BCR: variants seen among roughly 807,000 people sequenced by gnomAD.
The protein encoded by BCR is breakpoint cluster region protein.
BCR carries 58 observed loss-of-function variants against 138.6 expected under a neutral mutation model. The ratio of observed to expected loss-of-function variants is 0.42; its 90% CI spans 0.34 to 0.52. The LOEUF (loss-of-function observed/expected upper bound fraction) is 0.52, where lower values mean the gene tolerates loss of function less well. BCR is among the 20% of genes least tolerant of loss of function. The probability of loss-of-function intolerance (pLI) is 0.06; values close to 1 mark genes in which losing one functional copy is unlikely to be tolerated. For missense variants in BCR, 1,599 were observed against 1,727.2 expected, an observed-to-expected ratio of 0.93 and a Z score of 1.32; for synonymous variants, 786 against 730.1, an observed-to-expected ratio of 1.08 and a Z score of -1.23.
intron 1 of BCR, among the ~76,000 whole-genome samples, chr22:23,240,447 C>A (rs1036212754): frequency 6.6e-6 from 1 of 150,936 alleles, no homozygotes; most frequent in East Asian, 2.0e-4. Context: ...GTCAGGAGAT[C>A]GAGACCATCC....
intron 1 of BCR, chr22:23,199,452 C>T (rs939569869): frequency 3.5e-5 from 14 of 394,590 alleles, no homozygotes; most frequent in African/African-American, 1.7e-4. Flanking sequence ...GATGGGCTGG[C>T]GGGCTGGGAG....
At chr22:23,266,891 G>A (rs2073449266) in intron 4 of BCR, among the ~76,000 whole-genome samples, 1 of 152,210 alleles carries the variant, frequency 6.6e-6, no homozygotes, top group South Asian at 2.1e-4. Flanking sequence ...GTGAGCTCCT[G>A]GAGCAGGAGG....
At chr22:23,302,344 CCTGCCCTTGGGGCCTGCCAGGGACCT>C (rs1460787134) in intron 16 of BCR, 1 of 152,462 alleles carries the variant, frequency 6.6e-6, no homozygotes, top group African/African-American at 2.4e-5. Context: ...ATCCCAGACC[CCTGCCCTTGGGGCCTGCCAGGGACCT>C]CTGCCCTCAT....
intron 16 of BCR, among the ~76,000 whole-genome samples, chr22:23,297,319 G>A (rs1326201869): frequency 6.7e-6 from 1 of 150,244 alleles, no homozygotes; most frequent in African/African-American, 2.5e-5. Flanking sequence ...GGGTTCAAGC[G>A]ATTCTCCTGC....
intron 1 of BCR, among the ~76,000 whole-genome samples, chr22:23,224,280 G>A (rs1261878716): frequency 6.6e-6 from 1 of 152,162 alleles, no homozygotes; most frequent in Non-Finnish European, 1.5e-5. Flanking sequence ...AGTTCTTTAT[G>A]GACTGTAGGG....
chr22:23,198,746 A>G (rs757358488), intron 1 of BCR, among the ~76,000 whole-genome samples: 9 of 152,104 alleles, frequency 5.9e-5, no homozygotes, highest in Non-Finnish European at 1.2e-4. Context: ...CGTGATACCC[A>G]AGGGAGGCAT....
intron 9 of BCR, among the ~76,000 whole-genome samples, chr22:23,284,619 A>C (rs2073689677): frequency 2.0e-5 from 3 of 152,202 alleles, no homozygotes; most frequent in South Asian, 4.1e-4. Flanking sequence ...TAATCAGTCA[A>C]CTCAGAGGAG....
intron 22 of BCR, among the ~76,000 whole-genome samples, 185 bp downstream of exon 22, chr22:23,314,899 G>C (rs1307392490): frequency 5.3e-5 from 8 of 152,358 alleles, no homozygotes; most frequent in East Asian, 1.9e-4. Context: ...CCACCTCCTG[G>C]TCCTGCTAGT....
At chr22:23,280,705 A>C (rs886801934) in intron 8 of BCR, among the ~76,000 whole-genome samples, 4 of 152,186 alleles carry the variant, frequency 2.6e-5, no homozygotes, top group African/African-American at 9.7e-5. Context: ...TGTCCTGGCC[A>C]CCCTTGCTTT....
At chr22:23,226,864 C>T (rs2072900034) in intron 1 of BCR, among the ~76,000 whole-genome samples, 3 of 152,138 alleles carry the variant, frequency 2.0e-5, no homozygotes, top group Non-Finnish European at 2.9e-5. Flanking sequence ...TATGAATGAA[C>T]AGGTCCCCTC....
At chr22:23,201,543 C>T (rs1275552226) in intron 1 of BCR, among the ~76,000 whole-genome samples, 2 of 152,128 alleles carry the variant, frequency 1.3e-5, no homozygotes, top group Admixed American at 6.5e-5. Context: ...CTGCAAGCTC[C>T]GCCTCCTGGG....
chr22:23,300,866 G>A (rs893759454), intron 16 of BCR, among the ~76,000 whole-genome samples: 1 of 152,184 alleles, frequency 6.6e-6, no homozygotes, highest in African/African-American at 2.4e-5. Context: ...CAACAAAAAT[G>A]AACTCTGATG....
chr22:23,260,527 G>T (rs1334456393), intron 2 of BCR, among the ~76,000 whole-genome samples: 2 of 152,190 alleles, frequency 1.3e-5, no homozygotes, highest in East Asian at 3.9e-4. Flanking sequence ...GAGCAGTGGG[G>T]AGTGGAGTTT....
intron 1 of BCR, among the ~76,000 whole-genome samples, chr22:23,206,577 A>G (rs980095726): frequency 4.1e-5 from 5 of 123,074 alleles, no homozygotes; most frequent in African/African-American, 2.2e-4. Flanking sequence ...ACTCCGTCTC[A>G]AAAAAAAAAA....
At chr22:23,214,512 A>G (rs2072726402) in intron 1 of BCR, among the ~76,000 whole-genome samples, 1 of 152,236 alleles carries the variant, frequency 6.6e-6, no homozygotes, top group South Asian at 2.1e-4. Flanking sequence ...GGCCTGTGCC[A>G]TGGCCAGGAG....
rs2072262579 is a variant in BCR, at chr22:23,181,590, G to A, written c.630G>A (p.Met210Ile). 9 of 1,612,808 alleles carry A rather than the reference G, an allele frequency of 5.6e-6. No homozygotes were observed. The highest frequency in any genetic ancestry group is 2.2e-5 in the East Asian group (1 of 44,878). ...ISSLGSQAMQ[M>I]ERKKSQHGAG... ...CCCTGGGCAGCCAGGCCATGCAGAT[G>A]GAGCGCAAAAAGTCCCAGCACGGCG... Residue 210 changes from methionine to isoleucine, a missense_variant, in exon 1 of 23, where the codon ATG becomes ATA. By Grantham distance (10) the Met-to-Ile change is conservative. This residue lies in a region of BCR where 806 missense variants were observed against 635.0 expected (regional missense o/e 1.27). Coordinates refer to ENST00000305877, the MANE Select transcript of BCR (RefSeq NM_004327.4).
chr22:23,182,349 T>C, intron 1 of BCR, 110 bp downstream of exon 1: 2 of 1,270,268 alleles, frequency 1.6e-6, no homozygotes, highest in South Asian at 1.6e-5. Context: ...TAGTTTTGAG[T>C]GTATCAGGTG....
intron 1 of BCR, among the ~76,000 whole-genome samples, chr22:23,234,714 G>A (rs553049236): frequency 9.4e-6 from 1 of 106,462 alleles, no homozygotes; most frequent in African/African-American, 2.7e-5. Flanking sequence ...AGGGGACCCA[G>A]GCTGATCAGG....
At chr22:23,311,364 G>C (rs915037321) in intron 18 of BCR, among the ~76,000 whole-genome samples, 2 of 150,470 alleles carry the variant, frequency 1.3e-5, no homozygotes, top group Non-Finnish European at 3.0e-5. Context: ...CTCCCAGCCG[G>C]GGGTACAGGC....
Sources: gnomAD v4.1 joint callset for allele counts (sites outside exome capture counted in the v4.1 genomes callset) on GRCh38, gnomAD v4.1.1 for gene constraint, gnomAD v4.1.1 regional missense constraint, MANE v1.5 for transcripts, NCBI Gene and HGNC (gene_info 2026-07-23, HGNC 2026-07-21) for gene names.